The following LRRK1 variants were observed in gnomAD, a reference collection of about 807,000 sequenced individuals.
LRRK1 encodes the protein leucine-rich repeat serine/threonine-protein kinase 1.
In LRRK1, 113 loss-of-function variants were observed where a neutral mutation model predicts 209.1. The observed-to-expected ratio is 0.54, with a 90% CI of 0.46 to 0.63. LRRK1 has a LOEUF of 0.63. LRRK1 is among the 30% of genes least tolerant of loss of function. The pLI is 0.00. For missense variants in LRRK1, 2,284 were observed against 2,632.2 expected (o/e 0.87, Z 2.89); for synonymous variants, 1,144 against 1,099.7 (o/e 1.04, Z -0.80).
In LRRK1 at chr15:101,027,384, G is replaced by A; in HGVS notation, c.2526+3G>A. On this transcript the variant is annotated splice_donor_region_variant and intron_variant, in intron 18 of 33. Coordinates refer to ENST00000388948, the MANE Select transcript of LRRK1 (RefSeq NM_024652.6). This position sits in a 1 kb window ranked among gnomAD's most constrained non-coding sequence, Gnocchi z 5.1. ...GCCAGCGACTGGCAGGGCGGCTGGT[G>A]GGTACCTTGCTGGTCCAGTTTAAAC... is the stretch of plus-strand genomic sequence containing the variant. The A allele has an allele frequency of 6.2e-7, 1 of 1,612,846 alleles. No individual in the cohort carries two copies. Among genetic ancestry groups the A allele is most frequent in the Non-Finnish European group, 8.5e-7 (1 of 1,179,874 alleles).
intron 1 of LRRK1, among the ~76,000 whole-genome samples, chr15:100,924,189 C>T (rs1219130328): frequency 1.3e-5 from 2 of 152,210 alleles, no homozygotes; most frequent in Non-Finnish European, 2.9e-5. Context: ...CACTGAGCCT[C>T]ACACAGAGCC....
At position 101,069,430 on chromosome 15, in the gene LRRK1, TG is replaced by T. The variant is rs1174144189; in HGVS notation, c.*587del. On this transcript the variant is annotated 3_prime_UTR_variant, in exon 34 of 34. Coordinates refer to ENST00000388948, the MANE Select transcript of LRRK1 (RefSeq NM_024652.6). ...GAAGGTCTCCGTGTGGGAAAGCCCT[TG>T]GGGGATCCCGGGTGAGGAGTGTTGC... The T allele has an allele frequency of 1.3e-5, 2 of 152,510 alleles. No individual in the cohort carries two copies. Among genetic ancestry groups the T allele is most frequent in the African/African-American group, 2.4e-5 (1 of 41,462 alleles). 9.4% of individuals were successfully genotyped at this position (152,510 alleles called of 1,614,324 possible). A position where few individuals can be genotyped will look rare whatever the true frequency, so the allele number is the denominator to read the frequency against.
At chr15:100,982,472 C>G (rs2031658307) in intron 3 of LRRK1, among the ~76,000 whole-genome samples, 1 of 152,254 alleles carries the variant, frequency 6.6e-6, no homozygotes, top group East Asian at 1.9e-4. Flanking sequence ...TGAAGCCTCT[C>G]TGAACCTCCA....
chr15:100,977,614 C>T (rs549421756), intron 3 of LRRK1, among the ~76,000 whole-genome samples: 15 of 152,298 alleles, frequency 9.8e-5, no homozygotes, highest in South Asian at 4.1e-4. Flanking sequence ...GAAGTCCCAA[C>T]GCTGCCCAGC....
intron 20 of LRRK1, among the ~76,000 whole-genome samples, chr15:101,044,524 A>G (rs2034947926): frequency 6.6e-6 from 1 of 152,202 alleles, no homozygotes. Context: ...AGCGGCCTCC[A>G]CTACCTGGAG....
At position 100,994,214 on chromosome 15, in the gene LRRK1, G is replaced by A. The variant is rs75665166; in HGVS notation, c.762+4816G>A. 5.1e-3 allele frequency among the ~76,000 whole-genome samples: 784 copies of A among 152,246 alleles called. 30 individuals are homozygous for A. The East Asian group carries it at 0.1, about 20-fold the overall frequency. ...AAAGACATTACGTTATTTGTCCAAGGATGACAAATACTAAACAGTATTGAT... is the reference window on the plus strand; with the variant it reads ...AAAGACATTACGTTATTTGTCCAAGAATGACAAATACTAAACAGTATTGAT... On this transcript the variant is annotated intron_variant, in intron 6 of 33. Coordinates refer to ENST00000388948, the MANE Select transcript of LRRK1 (RefSeq NM_024652.6).
At chr15:100,926,644 TTTTC>T (rs1483175934) in intron 2 of LRRK1, among the ~76,000 whole-genome samples, 5 of 150,890 alleles carry the variant, frequency 3.3e-5, no homozygotes, top group South Asian at 2.1e-4. Context: ...TTCTTTTTCA[TTTTC>T]TTTCTTTCTT....
chr15:101,066,646 T>C lies in LRRK1; in HGVS notation c.5775T>C (p.Gly1925=), dbSNP rs748167145. 1.2e-6 allele frequency: 2 copies of C among 1,611,674 alleles called. No homozygotes were observed. The highest frequency in any genetic ancestry group is 1.7e-6 in the Non-Finnish European group (2 of 1,177,786). The change falls in exon 33 of 34, where the codon GGT becomes GGC. Residue 1925 remains glycine (G), a synonymous_variant. Transcript: ENST00000388948. ...CTGGGTTTTGGTTGCTTAGGCGCGG[T>C]GGAGATGTTATCGTCATTGGCCTGG... ...VRDLIWVPRR[G]GDVIVIGLEK... is the part of the protein sequence containing the mutation.
In LRRK1 at chr15:101,021,926, C is replaced by T; in HGVS notation, c.1821C>T (p.Ile607=). 1 of 1,613,986 alleles carries T rather than the reference C, an allele frequency of 6.2e-7. No homozygotes were observed. The highest frequency in any genetic ancestry group is 8.5e-7 in the Non-Finnish European group (1 of 1,179,916). The change falls in exon 14 of 34, where the codon ATC becomes ATT. Residue 607 remains isoleucine, a synonymous_variant. Coordinates refer to ENST00000388948, the MANE Select transcript of LRRK1 (RefSeq NM_024652.6). The part of the protein sequence containing the change: ...LWQLDTEDLT[I]SNVPAEIQKE... ...AGCTGGACACTGAAGACCTGACCAT[C>T]AGCAATGTGCCTGCAGAAATCCAAA...
At chr15:101,013,901 G>A (rs1332186769) in intron 10 of LRRK1, among the ~76,000 whole-genome samples, 1 of 152,172 alleles carries the variant, frequency 6.6e-6, no homozygotes, top group Non-Finnish European at 1.5e-5. Context: ...CCCACCAGGA[G>A]GTGGCAGACA....
intron 7 of LRRK1, among the ~76,000 whole-genome samples, chr15:101,009,866 A>G (rs967909206): frequency 2.0e-5 from 3 of 152,352 alleles, no homozygotes; most frequent in African/African-American, 7.2e-5. Context: ...GATTACAGGC[A>G]TGAGCCACCG....
chr15:100,961,426 G>A (rs765634929), intron 2 of LRRK1, among the ~76,000 whole-genome samples: 21 of 152,004 alleles, frequency 1.4e-4, no homozygotes, highest in East Asian at 3.9e-4. Context: ...AGGCCAAGGC[G>A]GGCAGATCAC....
Position 101,022,544 on chromosome 15 carries a change from A to G in LRRK1, c.2014A>G (p.Thr672Ala), listed in dbSNP as rs760065482. 1.2e-6 allele frequency: 2 copies of G among 1,613,668 alleles called. No homozygotes were observed. The highest frequency in any genetic ancestry group is 2.2e-5 in the South Asian group (2 of 91,080). ...CCCCCAGGTGGTGCATGGAGAGGCC[A>G]CCATCAGGACCACCAAGTGGGAGCT... is the stretch of plus-strand genomic sequence containing the variant. ...RAPQVVHGEA[T>A]IRTTKWELQR... The change falls in exon 15 of 34, where the codon ACC becomes GCC. Residue 672 changes from threonine to alanine, a missense_variant. Coordinates refer to ENST00000388948, the MANE Select transcript of LRRK1 (RefSeq NM_024652.6). The surrounding 1 kb of genome is among the most constrained non-coding windows in gnomAD (Gnocchi z 4.0).
chr15:101,002,950 G>C (rs537558392), intron 6 of LRRK1, among the ~76,000 whole-genome samples: 1 of 152,042 alleles, frequency 6.6e-6, no homozygotes, highest in Non-Finnish European at 1.5e-5. Flanking sequence ...CAGGCTGATC[G>C]TGAGCTCCTG....
At chr15:100,983,766 A>G in intron 4 of LRRK1, 67 bp downstream of exon 4, 1 of 1,436,932 alleles carries the variant, frequency 7.0e-7, no homozygotes, top group Non-Finnish European at 9.8e-7. Context: ...TCACCCCAAA[A>G]TGTTTACTTC....
chr15:100,992,231 A>G (rs1264760910), intron 6 of LRRK1, among the ~76,000 whole-genome samples: 1 of 152,212 alleles, frequency 6.6e-6, no homozygotes. Context: ...GAAGTCTCAC[A>G]GGAATTATTT....
intron 2 of LRRK1, among the ~76,000 whole-genome samples, chr15:100,939,224 G>A (rs1418775699): frequency 6.6e-6 from 1 of 152,214 alleles, no homozygotes; most frequent in Admixed American, 6.5e-5. Flanking sequence ...TGGGACATGG[G>A]ACAGTACAGT....
chr15:101,065,265 G>C (rs2036462967), intron 31 of LRRK1, 87 bp from the exon 32 acceptor site: 2 of 1,500,998 alleles, frequency 1.3e-6, no homozygotes, highest in Admixed American at 3.6e-5. Context: ...CCTGGTGTGG[G>C]TGCAGATGAG....
At chr15:101,034,143 A>G (rs1159588617) in intron 20 of LRRK1, among the ~76,000 whole-genome samples, 2 of 152,118 alleles carry the variant, frequency 1.3e-5, no homozygotes, top group Admixed American at 6.5e-5. Context: ...AATTTCTTGT[A>G]AATTGTGGAT....
Sources: allele counts gnomAD v4.1 joint callset (sites outside exome capture counted in the v4.1 genomes callset), GRCh38; gene constraint gnomAD v4.1.1; non-coding constraint Gnocchi (gnomAD v3.1); transcripts MANE v1.5; gene names NCBI Gene and HGNC (gene_info 2026-07-23, HGNC 2026-07-21).